The following PPARGC1A variants were observed in gnomAD, a reference collection of about 807,000 sequenced individuals.
PPARGC1A encodes PPARG coactivator 1 alpha.
A neutral mutation model predicts 88.7 loss-of-function variants in PPARGC1A; 25 were observed. That is an observed-to-expected ratio of 0.28 (90% confidence interval 0.21 to 0.39). The LOEUF (loss-of-function observed/expected upper bound fraction) is 0.39, where lower values mean the gene tolerates loss of function less well. Among genes scored for constraint, PPARGC1A ranks in the 10% least tolerant of loss-of-function variants. PPARGC1A has a pLI of 1.00. For missense variants in PPARGC1A, 880 were observed against 968.7 expected (o/e 0.91, Z 1.22); for synonymous variants, 363 against 355.6 (o/e 1.02, Z -0.24).
the PPARGC1A span, among the ~76,000 whole-genome samples, chr4:23,967,548 G>A: frequency 2.0e-5 from 3 of 152,028 alleles, no homozygotes; most frequent in African/African-American, 7.3e-5. Context: ...AGGTTCAAGG[G>A]AAGGAATTTA....
the PPARGC1A span, among the ~76,000 whole-genome samples, chr4:24,260,804 C>A: frequency 6.6e-6 from 1 of 151,934 alleles, no homozygotes; most frequent in East Asian, 1.9e-4. Context: ...TATATTGAAT[C>A]CAAGTTTATT....
At chr4:24,424,278 T>A in the PPARGC1A span, among the ~76,000 whole-genome samples, 1 of 126,106 alleles carries the variant, frequency 7.9e-6, no homozygotes, top group South Asian at 2.9e-4. Context: ...TTTTTTTTTT[T>A]TTTTTTTTTT....
chr4:24,156,543 A>G, the PPARGC1A span, among the ~76,000 whole-genome samples: 11 of 152,144 alleles, frequency 7.2e-5, no homozygotes, highest in African/African-American at 2.4e-4. Context: ...TTATGGTATG[A>G]TAAGTTCAGC....
At chr4:24,366,758 A>G in the PPARGC1A span, among the ~76,000 whole-genome samples, 1 of 152,152 alleles carries the variant, frequency 6.6e-6, no homozygotes, top group Non-Finnish European at 1.5e-5. Flanking sequence ...ATGAATTAGA[A>G]ACCAACAAAA....
At chr4:24,309,975 G>A in the PPARGC1A span, among the ~76,000 whole-genome samples, 2 of 152,172 alleles carry the variant, frequency 1.3e-5, no homozygotes, top group East Asian at 1.9e-4. Flanking sequence ...GTCAAATAGC[G>A]AAAATTAGTA....
chr4:24,373,249 T>A, the PPARGC1A span, among the ~76,000 whole-genome samples: 11 of 152,128 alleles, frequency 7.2e-5, no homozygotes, highest in Admixed American at 6.5e-5. Flanking sequence ...CAAAGAGGTG[T>A]CTGCAGCAGA....
the PPARGC1A span, among the ~76,000 whole-genome samples, chr4:23,953,904 C>T: frequency 4.6e-5 from 7 of 151,964 alleles, no homozygotes. Flanking sequence ...CAAGTTAGAA[C>T]AGCACATACA....
chr4:24,104,414 C>T, the PPARGC1A span, among the ~76,000 whole-genome samples: 1 of 152,138 alleles, frequency 6.6e-6, no homozygotes, highest in Admixed American at 6.5e-5. Context: ...CTCTGACACT[C>T]CCAAGGTCCC....
At chr4:24,385,472 T>C in the PPARGC1A span, among the ~76,000 whole-genome samples, 133 of 151,888 alleles carry the variant, frequency 8.8e-4, no homozygotes, top group Non-Finnish European at 1.6e-3. Flanking sequence ...TTTGAAAAGA[T>C]TGACAAAATA....
At chr4:23,970,997 A>T in the PPARGC1A span, among the ~76,000 whole-genome samples, 1,610 of 152,202 alleles carry the variant, frequency 0.011, 31 homozygotes, top group African/African-American at 0.036. Context: ...CATGCTGGCT[A>T]CCTCAGTACT....
chr4:24,242,699 A>G, the PPARGC1A span, among the ~76,000 whole-genome samples: 8 of 152,232 alleles, frequency 5.3e-5, no homozygotes, highest in South Asian at 8.3e-4. Context: ...TAAGATAAAG[A>G]CCAAAATCTA....
chr4:24,072,120 A>T, the PPARGC1A span, among the ~76,000 whole-genome samples: 1 of 147,544 alleles, frequency 6.8e-6, no homozygotes, highest in Non-Finnish European at 1.5e-5. Context: ...ATTTAAATAT[A>T]TATATATATT....
chr4:24,270,339 G>GTT, the PPARGC1A span, among the ~76,000 whole-genome samples: 1 of 145,646 alleles, frequency 6.9e-6, no homozygotes, highest in East Asian at 2.1e-4. Context: ...CTCTCTGTGT[G>GTT]TGTGTGTGTG....
the PPARGC1A span, among the ~76,000 whole-genome samples, chr4:24,057,451 T>A: frequency 1.1e-5 from 1 of 88,266 alleles, no homozygotes; most frequent in African/African-American, 4.8e-5. Flanking sequence ...AAGGCTAAGA[T>A]GGTTTAAAAA....
chr4:24,262,100 A>AC, the PPARGC1A span, among the ~76,000 whole-genome samples: 127 of 151,886 alleles, frequency 8.4e-4, no homozygotes, highest in Middle Eastern at 3.4e-3. Flanking sequence ...TGCCCTCCCA[A>AC]CCCCCACCAA....
chr4:24,298,487 T>C, the PPARGC1A span, among the ~76,000 whole-genome samples: 2 of 152,180 alleles, frequency 1.3e-5, no homozygotes, highest in African/African-American at 4.8e-5. Flanking sequence ...AACCACTCCA[T>C]AAATATTGGG....
At chr4:24,306,705 T>C in the PPARGC1A span, among the ~76,000 whole-genome samples, 1 of 152,240 alleles carries the variant, frequency 6.6e-6, no homozygotes, top group African/African-American at 2.4e-5. Context: ...GGCAGCATGG[T>C]AATAAAGTGT....
In PPARGC1A at chr4:23,793,568, G is replaced by A. The variant is rs1199761185; in HGVS notation, c.*2254C>T. 1.3e-5 allele frequency: 2 copies of A among 152,286 alleles called. No individual in the cohort carries two copies. The highest frequency in any genetic ancestry group is 4.8e-5 in the African/African-American group (2 of 41,418). The allele number at this position is 152,286 out of a possible 1,614,324, so 9.4% of individuals were successfully genotyped here. A position where few individuals can be genotyped will look rare whatever the true frequency, so the allele number is the denominator to read the frequency against. On this transcript the variant is annotated 3_prime_UTR_variant, in exon 13 of 13. Coordinates refer to ENST00000264867, the MANE Select transcript of PPARGC1A (RefSeq NM_013261.5). Reference sequence around the variant, plus strand: ...AAGGAAAAGAACAATTGAGTAGTAGGTGTATCATGTCTTCCAGAAAAGTCA... The same window carrying A: ...AAGGAAAAGAACAATTGAGTAGTAGATGTATCATGTCTTCCAGAAAAGTCA...
At chr4:24,209,954 C>T in the PPARGC1A span, among the ~76,000 whole-genome samples, 1 of 152,226 alleles carries the variant, frequency 6.6e-6, no homozygotes, top group Non-Finnish European at 1.5e-5. Flanking sequence ...AAATCCCCAA[C>T]TTAGCTTCTA....
Sources: allele counts gnomAD v4.1 joint callset (sites outside exome capture counted in the v4.1 genomes callset), GRCh38; gene constraint gnomAD v4.1.1; transcripts MANE v1.5; gene names NCBI Gene and HGNC (gene_info 2026-07-23, HGNC 2026-07-21).